GIMAP1: variants seen among roughly 807,000 people sequenced by gnomAD.
GIMAP1 encodes the protein GTPase IMAP family member 1.
For synonymous variants in GIMAP1, 230 were observed against 187.7 expected (o/e 1.23, Z -1.84); for missense variants, 423 against 411.9 (o/e 1.03, Z -0.23).
Position 150,720,983 on chromosome 7 carries a change from T to C in GIMAP1, c.*58T>C. Reference sequence around the variant, plus strand: ...TTAAGGGAGGCTGAATTCTTGGAGCTGAAGGGAAAACTTCATTCCAACGGA... The same window carrying C: ...TTAAGGGAGGCTGAATTCTTGGAGCCGAAGGGAAAACTTCATTCCAACGGA... On this transcript the variant is annotated 3_prime_UTR_variant, in exon 3 of 3. Coordinates refer to ENST00000307194, the MANE Select transcript of GIMAP1 (RefSeq NM_130759.4). This position sits in a 1 kb window ranked among gnomAD's most constrained non-coding sequence, Gnocchi z 4.5. 1 of 1,411,282 alleles carries C rather than the reference T, an allele frequency of 7.1e-7. No homozygotes were observed. Among genetic ancestry groups the C allele is most frequent in the Non-Finnish European group, 9.3e-7 (1 of 1,073,720 alleles). 87.4% of individuals were successfully genotyped at this position (1,411,282 alleles called of 1,614,324 possible). A position where few individuals can be genotyped will look rare whatever the true frequency, so the allele number is the denominator to read the frequency against.
At chr7:150,719,689 C>G (rs1429287922) in intron 2 of GIMAP1, among the ~76,000 whole-genome samples, 1 of 152,204 alleles carries the variant, frequency 6.6e-6, no homozygotes, top group African/African-American at 2.4e-5. Context: ...CACAGCTCTT[C>G]ACTACCAGGC....
rs1797300738 is a variant in GIMAP1 at position 150,721,380 on chromosome 7, A to G, written c.*455A>G. 1 of 154,430 alleles carries G rather than the reference A, an allele frequency of 6.5e-6. No homozygotes were observed. Among genetic ancestry groups the G allele is most frequent in the Non-Finnish European group, 1.4e-5 (1 of 69,720 alleles). The allele number at this position is 154,430 out of a possible 1,614,324, so 9.6% of individuals were successfully genotyped here. A position where few individuals can be genotyped will look rare whatever the true frequency, so the allele number is the denominator to read the frequency against. Reference sequence around the variant, plus strand: ...AATAAAAGAAATGTGGGGGTTACACACGTGAATGTTACTTCTGAGACATCA... The same window carrying G: ...AATAAAAGAAATGTGGGGGTTACACGCGTGAATGTTACTTCTGAGACATCA... On this transcript the variant is annotated 3_prime_UTR_variant, in exon 3 of 3. Transcript: ENST00000307194.
In GIMAP1 at chr7:150,723,409, A is replaced by G. The variant is rs1259441397; in HGVS notation, c.*2484A>G. ...AGATAACAGAAAATTCTTTCGCGCA[A>G]GCATGTCATTGTATTAATGATATTC... On this transcript the variant is annotated 3_prime_UTR_variant, in exon 3 of 3. Transcript: ENST00000307194. 1 of 151,938 alleles carries G rather than the reference A, an allele frequency of 6.6e-6. No homozygotes were observed. Among genetic ancestry groups the G allele is most frequent in the East Asian group, 1.9e-4 (1 of 5,196 alleles). 9.4% of individuals were successfully genotyped at this position (151,938 alleles called of 1,614,324 possible).
Position 150,720,252 on chromosome 7 carries a change from C to T in GIMAP1, c.248C>T (p.Thr83Ile), listed in dbSNP as rs1281756908. The stretch of plus-strand genomic sequence containing the variant: ...AAGTGCCACGTGGAAGTCGTGGACA[C>T]TCCGGACATTTTCAGCTCCCAAGTG... ...WDKCHVEVVDTPDIFSSQVSK... is the reference protein window; with the variant it reads ...WDKCHVEVVDIPDIFSSQVSK... The change falls in exon 3 of 3, where the codon ACT (threonine) becomes ATT (isoleucine). Residue 83 changes from threonine to isoleucine, a missense_variant. Physicochemically the swap from Thr to Ile is moderately conservative, Grantham distance 89. Transcript: ENST00000307194. The surrounding 1 kb of genome is among the most constrained non-coding windows in gnomAD (Gnocchi z 4.5). The T allele has an allele frequency of 1.9e-6, 3 of 1,614,200 alleles. No individual in the cohort carries two copies. Among genetic ancestry groups the T allele is most frequent in the Non-Finnish European group, 2.5e-6 (3 of 1,180,036 alleles).
intron 2 of GIMAP1, 55 bp from the exon 3 acceptor site, chr7:150,719,993 T>A: frequency 4.7e-6 from 7 of 1,501,140 alleles, no homozygotes; most frequent in Non-Finnish European, 6.2e-6. Context: ...AAGATTCCAG[T>A]TCCCAAGGGG....
rs866279686 is a variant in GIMAP1, at chr7:150,721,802, A to C, written c.*877A>C. The C allele has an allele frequency of 7.1e-6, 1 of 140,596 alleles. No individual in the cohort carries two copies. The allele number at this position is 140,596 out of a possible 1,614,324, so 8.7% of individuals were successfully genotyped here. On this transcript the variant is annotated 3_prime_UTR_variant, in exon 3 of 3. Transcript: ENST00000307194. ...AAGCAAGAATCTGTCTCAAAAAAAA[A>C]AAAAGAAAAGAAAAGAAAAAGAAAA...
In GIMAP1 at chr7:150,723,432, T is replaced by C. The variant is rs1287116780; in HGVS notation, c.*2507T>C. 5 of 152,248 alleles carry C rather than the reference T, an allele frequency of 3.3e-5. No homozygotes were observed. The highest frequency in any genetic ancestry group is 3.3e-4 in the Admixed American group (5 of 15,284). 9.4% of individuals were successfully genotyped at this position (152,248 alleles called of 1,614,324 possible). On this transcript the variant is annotated 3_prime_UTR_variant, in exon 3 of 3. Transcript: ENST00000307194. ...CAAGCATGTCATTGTATTAATGATA[T>C]TCTCCTGCCCTAAGGAAATTTACTT...
At position 150,720,204 on chromosome 7, in the gene GIMAP1, C is replaced by T; in HGVS notation, c.200C>T (p.Thr67Ile). Residue 67 changes from threonine (T) to isoleucine (I), a missense_variant, in exon 3 of 3, where the codon ACC becomes ATC. Thr to Ile is a moderately conservative substitution (Grantham distance 89). Transcript: ENST00000307194. The surrounding 1 kb of genome is among the most constrained non-coding windows in gnomAD (Gnocchi z 4.5). ...GCCACGTCTGTGACCAGGGCCTGCA[C>T]CACGGGCAGCCGCAGGTGGGACAAG... ...LGATSVTRAC[T>I]TGSRRWDKCH... The T allele has an allele frequency of 6.2e-7, 1 of 1,614,178 alleles. No individual in the cohort carries two copies. The highest frequency in any genetic ancestry group is 8.5e-7 in the Non-Finnish European group (1 of 1,180,018).
rs1461245856 is a variant in GIMAP1, at chr7:150,720,742, C to T, written c.738C>T (p.Arg246=). The stretch of plus-strand genomic sequence containing the variant: ...AGCGGCTCCGGCGGGTGGCGGAGCG[C>T]GTGGCAGCCAGGGTGCAGAGGAGGC... ...PEERLRRVAE[R]VAARVQRRPW... The change falls in exon 3 of 3, where the codon CGC becomes CGT. Residue 246 remains arginine, a synonymous_variant. Transcript: ENST00000307194. The surrounding 1 kb of genome is among the most constrained non-coding windows in gnomAD (Gnocchi z 4.5). 2 of 1,565,558 alleles carry T rather than the reference C, an allele frequency of 1.3e-6. No individual in the cohort carries two copies. The highest frequency in any genetic ancestry group is 2.4e-5 in the East Asian group (1 of 41,926).
rs1281107537 is a variant in GIMAP1, at chr7:150,722,775, T to C, written c.*1850T>C. 6.6e-6 allele frequency: 1 copy of C among 152,240 alleles called. No homozygotes were observed. The highest frequency in any genetic ancestry group is 2.4e-5 in the African/African-American group (1 of 41,450). 9.4% of individuals were successfully genotyped at this position (152,240 alleles called of 1,614,324 possible). ...ACATTTATACCCACTTTCAACTATATGCAAATTTAGGGGTGGATTATGCCA... is the reference window on the plus strand; with the variant it reads ...ACATTTATACCCACTTTCAACTATACGCAAATTTAGGGGTGGATTATGCCA... On this transcript the variant is annotated 3_prime_UTR_variant, in exon 3 of 3. Transcript: ENST00000307194.
intron 1 of GIMAP1, among the ~76,000 whole-genome samples, chr7:150,718,070 G>T (rs866274075): frequency 1.3e-5 from 2 of 152,148 alleles, no homozygotes; most frequent in African/African-American, 2.4e-5. Flanking sequence ...AGGATCAATA[G>T]TCCTAGGAGG....
In GIMAP1 at chr7:150,721,802, A is replaced by AAAG. The variant is rs1554517144; in HGVS notation, c.*879_*880insGAA. The AAAG allele has an allele frequency of 4.4e-3, 617 of 140,626 alleles. 45 individuals carry two copies. The South Asian group carries it at 0.13, about 29-fold the overall frequency. The allele number at this position is 140,626 out of a possible 1,614,324, so 8.7% of individuals were successfully genotyped here. ...AAGCAAGAATCTGTCTCAAAAAAAA[A>AAAG]AAAAGAAAAGAAAAGAAAAAGAAAA... On this transcript the variant is annotated 3_prime_UTR_variant, in exon 3 of 3. Coordinates refer to ENST00000307194, the MANE Select transcript of GIMAP1 (RefSeq NM_130759.4).
In GIMAP1 at chr7:150,723,759, C is replaced by A. The variant is rs1338111404; in HGVS notation, c.*2834C>A. ...ATTTTAACCAGACACAGTAAAAATA[C>A]TGTCCAATACCTCAAAAATTGTGTA... On this transcript the variant is annotated 3_prime_UTR_variant, in exon 3 of 3. Transcript: ENST00000307194. The A allele has an allele frequency of 6.6e-6, 1 of 152,188 alleles. No homozygotes were observed. Among genetic ancestry groups the A allele is most frequent in the African/African-American group, 2.4e-5 (1 of 41,458 alleles). 9.4% of individuals were successfully genotyped at this position (152,188 alleles called of 1,614,324 possible). A position where few individuals can be genotyped will look rare whatever the true frequency, so the allele number is the denominator to read the frequency against.
chr7:150,720,556 G>C lies in GIMAP1; in HGVS notation c.552G>C (p.Arg184=). 1 of 1,613,246 alleles carries C rather than the reference G, an allele frequency of 6.2e-7. No homozygotes were observed. Among genetic ancestry groups the C allele is most frequent in the African/African-American group, 1.3e-5 (1 of 75,060 alleles). ...AGCTGGTGGCCGAGTGCGGGGGCCGGGTCTGTGCCTTTGATAACCGGGCCA... is the reference window on the plus strand; with the variant it reads ...AGCTGGTGGCCGAGTGCGGGGGCCGCGTCTGTGCCTTTGATAACCGGGCCA... ...LRELVAECGG[R]VCAFDNRATG... The change falls in exon 3 of 3, where the codon CGG becomes CGC. Residue 184 remains arginine (R), a synonymous_variant. Coordinates refer to ENST00000307194, the MANE Select transcript of GIMAP1 (RefSeq NM_130759.4). The surrounding 1 kb of genome is among the most constrained non-coding windows in gnomAD (Gnocchi z 4.5).
rs1266390057 is a variant in GIMAP1, at chr7:150,718,976, TTTGTGG to T, written c.-6-63_-6-58del. The T allele has an allele frequency of 5.6e-4, 272 of 487,490 alleles. 5 individuals carry two copies. In the East Asian group the frequency reaches 0.023, roughly 42 times the overall value. The allele number at this position is 487,490 out of a possible 1,614,324, so 30.2% of individuals were successfully genotyped here. A position where few individuals can be genotyped will look rare whatever the true frequency, so the allele number is the denominator to read the frequency against. ...GACACCCTGTAGGTGGTTATGCCTA[TTTGTGG>T]TTATGCCTATTTGAGGAATAAATAA... On this transcript the variant is annotated intron_variant, in intron 1 of 2. Transcript: ENST00000307194.
Position 150,722,236 on chromosome 7 carries a change from G to A in GIMAP1, c.*1311G>A, listed in dbSNP as rs959090305. 5.9e-5 allele frequency: 9 copies of A among 152,364 alleles called. No individual in the cohort carries two copies. The highest frequency in any genetic ancestry group is 2.2e-4 in the African/African-American group (9 of 41,460). The allele number at this position is 152,364 out of a possible 1,614,324, so 9.4% of individuals were successfully genotyped here. On this transcript the variant is annotated 3_prime_UTR_variant, in exon 3 of 3. Coordinates refer to ENST00000307194, the MANE Select transcript of GIMAP1 (RefSeq NM_130759.4). ...ACATGGGAAGCAGGTATTCACATTAGCTCTATTCAAGAGGAAGAGGAGGAG... is the reference window on the plus strand; with the variant it reads ...ACATGGGAAGCAGGTATTCACATTAACTCTATTCAAGAGGAAGAGGAGGAG...
chr7:150,720,481 G>T lies in GIMAP1; in HGVS notation c.477G>T (p.Gly159=). ...IVFTRKEDLA[G]GSLHDYVSNT... Reference sequence around the variant, plus strand: ...TCACCAGGAAGGAGGACCTGGCCGGGGGCTCCCTGCACGATTACGTGAGCA... The same window carrying T: ...TCACCAGGAAGGAGGACCTGGCCGGTGGCTCCCTGCACGATTACGTGAGCA... The change falls in exon 3 of 3, where the codon GGG becomes GGT. Residue 159 remains glycine (G), a synonymous_variant. Coordinates refer to ENST00000307194, the MANE Select transcript of GIMAP1 (RefSeq NM_130759.4). This position sits in a 1 kb window ranked among gnomAD's most constrained non-coding sequence, Gnocchi z 4.5. 6.4e-7 allele frequency: 1 copy of T among 1,574,200 alleles called. No individual in the cohort carries two copies.
In GIMAP1 at chr7:150,720,210, G is replaced by A; in HGVS notation, c.206G>A (p.Gly69Asp). Residue 69 changes from glycine (G) to aspartate (D), a missense_variant, in exon 3 of 3, where the codon GGC (glycine) becomes GAC (aspartate). Physicochemically the swap from Gly to Asp is moderately conservative, Grantham distance 94. Transcript: ENST00000307194. This position sits in a 1 kb window ranked among gnomAD's most constrained non-coding sequence, Gnocchi z 4.5. ...TCTGTGACCAGGGCCTGCACCACGG[G>A]CAGCCGCAGGTGGGACAAGTGCCAC... ...ATSVTRACTT[G>D]SRRWDKCHVE... 1 of 1,614,160 alleles carries A rather than the reference G, an allele frequency of 6.2e-7. No individual in the cohort carries two copies. The highest frequency in any genetic ancestry group is 1.1e-5 in the South Asian group (1 of 91,092).
intron 1 of GIMAP1, 22 bp from the exon 2 acceptor site, chr7:150,719,020 A>G (rs1325386225): frequency 6.2e-7 from 1 of 1,614,086 alleles, no homozygotes; most frequent in South Asian, 1.1e-5. Flanking sequence ...GAATTAACAA[A>G]TTGTGTTTGG....
Sources: allele counts gnomAD v4.1 joint callset (sites outside exome capture counted in the v4.1 genomes callset), GRCh38; gene constraint gnomAD v4.1.1; non-coding constraint Gnocchi (gnomAD v3.1); transcripts MANE v1.5; gene names NCBI Gene and HGNC (gene_info 2026-07-23, HGNC 2026-07-21).